RASGEF1C: variants seen among roughly 807,000 people sequenced by gnomAD.
RASGEF1C encodes ras-GEF domain-containing family member 1C.
Under a neutral mutation model 58.1 loss-of-function variants are expected in RASGEF1C, and 27 were observed. The ratio of observed to expected loss-of-function variants is 0.46; its 90% CI spans 0.34 to 0.64. The LOEUF (loss-of-function observed/expected upper bound fraction) is 0.64. Ranked by LOEUF, RASGEF1C falls within the 30% of genes least tolerant of loss-of-function variation. The pLI is 0.01. For missense variants in RASGEF1C, 502 were observed against 605.1 expected (o/e 0.83, Z 1.79); for synonymous variants, 243 against 246.3 (o/e 0.99, Z 0.13).
At chr5:180,108,167 G>A (rs1765899318) in intron 12 of RASGEF1C, among the ~76,000 whole-genome samples, 1 of 150,710 alleles carries the variant, frequency 6.6e-6, no homozygotes, top group South Asian at 2.1e-4. Flanking sequence ...AATCCCACAG[G>A]TCCCTGAAAA....
chr5:180,111,374 G>C, intron 12 of RASGEF1C, 83 bp downstream of exon 12: 1 of 1,588,204 alleles, frequency 6.3e-7, no homozygotes, highest in African/African-American at 1.3e-5. Flanking sequence ...AACCTACTCA[G>C]AGCAGGGGTC....
At chr5:180,154,565 T>G (rs1482683113) in intron 1 of RASGEF1C, among the ~76,000 whole-genome samples, 1 of 148,044 alleles carries the variant, frequency 6.8e-6, no homozygotes, top group East Asian at 2.0e-4. Context: ...ACTGGTGGAC[T>G]GGGCTGGACT....
chr5:180,114,640 C>T (rs949464348), intron 10 of RASGEF1C, 99 bp from the exon 11 acceptor site: 3 of 1,156,176 alleles, frequency 2.6e-6, no homozygotes, highest in Non-Finnish European at 3.7e-6. Context: ...CCCCAGGGAC[C>T]TCAGACCCGA....
At chr5:180,134,333 G>A (rs754082549) in intron 4 of RASGEF1C, among the ~76,000 whole-genome samples, 15 of 151,962 alleles carry the variant, frequency 9.9e-5, no homozygotes, top group South Asian at 2.1e-4. Flanking sequence ...AGACCTGTGC[G>A]TTCTCCAGGT....
At chr5:180,101,996 C>A in intron 13 of RASGEF1C, 75 bp downstream of exon 13, 1 of 744,940 alleles carries the variant, frequency 1.3e-6, no homozygotes, top group Non-Finnish European at 2.3e-6. Flanking sequence ...CCGGGTCCCA[C>A]CTCGGCGCGA....
intron 1 of RASGEF1C, among the ~76,000 whole-genome samples, chr5:180,186,170 C>T (rs369507490): frequency 9.3e-5 from 14 of 150,110 alleles, no homozygotes; most frequent in African/African-American, 2.2e-4. Context: ...TTGTACTAGG[C>T]GTTCTAACTA....
chr5:180,136,567 T>A (rs1349973407), intron 3 of RASGEF1C, 52 bp from the exon 4 acceptor site: 5 of 1,529,012 alleles, frequency 3.3e-6, no homozygotes, highest in Non-Finnish European at 4.4e-6. Context: ...GGTGGGCACG[T>A]GAGCCTCACT....
At chr5:180,178,965 T>G (rs1767276558) in intron 1 of RASGEF1C, among the ~76,000 whole-genome samples, 1 of 151,400 alleles carries the variant, frequency 6.6e-6, no homozygotes, top group Non-Finnish European at 1.5e-5. Context: ...GACAGCAAGG[T>G]CTGAGGGCTG....
At chr5:180,111,635 A>C (rs1423633367) in intron 11 of RASGEF1C, 55 bp from the exon 12 acceptor site, 44 of 1,605,858 alleles carry the variant, frequency 2.7e-5, no homozygotes, top group Non-Finnish European at 3.8e-5. Context: ...GGAGGTCCCC[A>C]TGAGGGGGAG....
intron 1 of RASGEF1C, among the ~76,000 whole-genome samples, chr5:180,149,548 C>G (rs1055105162): frequency 6.6e-6 from 1 of 151,512 alleles, no homozygotes; most frequent in African/African-American, 2.4e-5. Flanking sequence ...CTCCAACTCC[C>G]TGGTTCAAGC....
chr5:180,118,165 A>C (rs553792390), intron 10 of RASGEF1C, among the ~76,000 whole-genome samples: 2 of 152,270 alleles, frequency 1.3e-5, no homozygotes, highest in South Asian at 4.1e-4. Flanking sequence ...CCTCAATTTT[A>C]TCTGAAACAG....
rs1382120776 is a variant in RASGEF1C, at chr5:180,158,300, T to C, written c.-6-20242A>G. ...CAAGAGATTCCTTCTCCTTTATGTGTTGGGCTCCCGTCTCCTGTATTTAAA... is the reference window on the plus strand; with the variant it reads ...CAAGAGATTCCTTCTCCTTTATGTGCTGGGCTCCCGTCTCCTGTATTTAAA... On this transcript the variant is annotated intron_variant, in intron 1 of 13. Transcript: ENST00000361132. This position sits in a 1 kb window ranked among gnomAD's most constrained non-coding sequence, Gnocchi z 4.0. Among the ~76,000 whole-genome samples the C allele has an allele frequency of 1.3e-5, 2 of 152,324 alleles. No individual in the cohort carries two copies. Among genetic ancestry groups the C allele is most frequent in the East Asian group, 1.9e-4 (1 of 5,184 alleles).
At chr5:180,124,057 G>A (rs999423524) in intron 6 of RASGEF1C, among the ~76,000 whole-genome samples, 3 of 151,728 alleles carry the variant, frequency 2.0e-5, no homozygotes, top group East Asian at 3.9e-4. Flanking sequence ...AATAAACAAC[G>A]AAACAAACAA....
At chr5:180,145,308 A>T (rs1240167154) in intron 1 of RASGEF1C, among the ~76,000 whole-genome samples, 1 of 152,044 alleles carries the variant, frequency 6.6e-6, no homozygotes, top group African/African-American at 2.4e-5. Context: ...TTTAGTAGAG[A>T]TGGGGTTTCA....
intron 1 of RASGEF1C, among the ~76,000 whole-genome samples, chr5:180,172,906 C>A (rs1015639970): frequency 2.0e-5 from 3 of 152,222 alleles, no homozygotes; most frequent in Admixed American, 1.3e-4. Context: ...CATGCTCTAT[C>A]CTCTTCTGGG....
chr5:180,172,114 G>T (rs950262772), intron 1 of RASGEF1C, among the ~76,000 whole-genome samples: 2 of 152,214 alleles, frequency 1.3e-5, no homozygotes, highest in African/African-American at 4.8e-5. Flanking sequence ...TGTGTGTTCT[G>T]CCCTGCCCAT....
intron 4 of RASGEF1C, among the ~76,000 whole-genome samples, chr5:180,131,498 C>G (rs1319304636): frequency 6.6e-6 from 1 of 152,168 alleles, no homozygotes; most frequent in African/African-American, 2.4e-5. Context: ...TGCTGTGAGC[C>G]CTTCTGCCAC....
chr5:180,157,129 C>G (rs4521436), intron 1 of RASGEF1C, among the ~76,000 whole-genome samples: 57,659 of 152,148 alleles, frequency 0.38, 11,802 homozygotes, highest in Admixed American at 0.52. Context: ...ACTAAACATA[C>G]TCTTACCATA....
chr5:180,204,818 A>G (rs571008460), intron 1 of RASGEF1C, among the ~76,000 whole-genome samples: 1 of 152,210 alleles, frequency 6.6e-6, no homozygotes, highest in African/African-American at 2.4e-5. Flanking sequence ...TAGATAAAAG[A>G]AAGCATAAAA....
Sources: allele counts gnomAD v4.1 joint callset (sites outside exome capture counted in the v4.1 genomes callset), GRCh38; gene constraint gnomAD v4.1.1; non-coding constraint Gnocchi (gnomAD v3.1); transcripts MANE v1.5; gene names NCBI Gene and HGNC (gene_info 2026-07-23, HGNC 2026-07-21).